The following TMEM140 variants were observed in gnomAD, a reference collection of about 807,000 sequenced individuals.
The protein encoded by TMEM140 is transmembrane protein 140.
For missense variants in TMEM140, 236 were observed against 228.5 expected (o/e 1.03, Z -0.21); for synonymous variants, 107 against 106.8 (o/e 1.00, Z -0.01).
intron 1 of TMEM140, among the ~76,000 whole-genome samples, chr7:135,162,502 C>A (rs1829968789): frequency 6.6e-6 from 1 of 152,222 alleles, no homozygotes; most frequent in African/African-American, 2.4e-5. Context: ...CATAGTTCCA[C>A]ATGGTTAGGG....
chr7:135,164,885 G>C lies in TMEM140; in HGVS notation c.444G>C (p.Gly148=). The C allele has an allele frequency of 6.2e-7, 1 of 1,614,242 alleles. No homozygotes were observed. Among genetic ancestry groups the C allele is most frequent in the South Asian group, 1.1e-5 (1 of 91,090 alleles). ...AGTGGGTCAGGCTCTCCCTCCCGGGGCCTGGGTTTCTAGCTCTGGGCAGCG... is the reference window on the plus strand; with the variant it reads ...AGTGGGTCAGGCTCTCCCTCCCGGGCCCTGGGTTTCTAGCTCTGGGCAGCG... ...VWKWVRLSLP[G]PGFLALGSAQ... Residue 148 remains glycine (G), a synonymous_variant, in exon 2 of 2, where the codon GGG becomes GGC. Transcript: ENST00000275767.
At chr7:135,154,802 G>A (rs1585347103) in intron 1 of TMEM140, among the ~76,000 whole-genome samples, 1 of 152,204 alleles carries the variant, frequency 6.6e-6, no homozygotes, top group Non-Finnish European at 1.5e-5. Context: ...TCCATGTGCT[G>A]ACAAAAATAA....
intron 1 of TMEM140, chr7:135,152,682 G>A (rs1460014306): frequency 6.6e-6 from 1 of 152,160 alleles, no homozygotes; most frequent in Non-Finnish European, 1.5e-5. Flanking sequence ...ACTGATCAAA[G>A]AGTCTCATCA....
At chr7:135,154,064 ATT>A (rs1829728049) in intron 1 of TMEM140, among the ~76,000 whole-genome samples, 1 of 151,530 alleles carries the variant, frequency 6.6e-6, no homozygotes, top group South Asian at 2.1e-4. Flanking sequence ...ATCTTGGGGG[ATT>A]TTGTGTTTCC....
At chr7:135,148,969 G>A (rs1190869665) in intron 1 of TMEM140, among the ~76,000 whole-genome samples, 2 of 152,016 alleles carry the variant, frequency 1.3e-5, no homozygotes, top group Non-Finnish European at 2.9e-5. Flanking sequence ...CTTTGAAAGA[G>A]GGAAAAGACA....
At chr7:135,156,691 T>A (rs1177657132) in intron 1 of TMEM140, among the ~76,000 whole-genome samples, 1 of 152,228 alleles carries the variant, frequency 6.6e-6, no homozygotes, top group Non-Finnish European at 1.5e-5. Context: ...ATATTTTGAA[T>A]TCTTTATCTA....
intron 1 of TMEM140, among the ~76,000 whole-genome samples, chr7:135,149,437 G>A (rs1217480402): frequency 6.6e-6 from 1 of 152,104 alleles, no homozygotes; most frequent in Non-Finnish European, 1.5e-5. Flanking sequence ...TTCTGATATT[G>A]GACTTTCAAG....
Position 135,148,214 on chromosome 7 carries a change from C to G in TMEM140, c.-81C>G. Reference sequence around the variant, plus strand: ...AGAAGGAAGATTCAAACAACCAACCCTGATTTCCTGCTTCTCCTTTTCATG... The same window carrying G: ...AGAAGGAAGATTCAAACAACCAACCGTGATTTCCTGCTTCTCCTTTTCATG... On this transcript the variant is annotated 5_prime_UTR_variant, in exon 1 of 2. Transcript: ENST00000275767. 2.4e-6 allele frequency: 1 copy of G among 420,046 alleles called. No homozygotes were observed. Among genetic ancestry groups the G allele is most frequent in the Non-Finnish European group, 4.7e-6 (1 of 212,870 alleles). 26.0% of individuals were successfully genotyped at this position (420,046 alleles called of 1,614,324 possible). A position where few individuals can be genotyped will look rare whatever the true frequency, so the allele number is the denominator to read the frequency against.
intron 1 of TMEM140, chr7:135,152,670 C>T (rs1035856941): frequency 6.6e-6 from 1 of 152,228 alleles, no homozygotes; most frequent in African/African-American, 2.4e-5. Flanking sequence ...CAGACACCTT[C>T]CACTGATCAA....
intron 1 of TMEM140, among the ~76,000 whole-genome samples, chr7:135,155,156 C>A (rs1244165428): frequency 6.6e-6 from 1 of 152,112 alleles, no homozygotes; most frequent in African/African-American, 2.4e-5. Flanking sequence ...TATAGCTATG[C>A]CTGCTTGCTT....
In TMEM140 at chr7:135,155,658, C is replaced by T. The variant is rs970095542; in HGVS notation, c.-25+7388C>T. Among the ~76,000 whole-genome samples, 11 of 152,156 alleles carry T rather than the reference C, an allele frequency of 7.2e-5. No individual in the cohort carries two copies. In the East Asian group the frequency reaches 9.7e-4, roughly 13 times the overall value. On this transcript the variant is annotated intron_variant, in intron 1 of 1. Transcript: ENST00000275767. Reference sequence around the variant, plus strand: ...TTGATGGAAGGTGGTCAAGACCAACCGGGGCAAAATAGCAAGATCTTGTCT... The same window carrying T: ...TTGATGGAAGGTGGTCAAGACCAACTGGGGCAAAATAGCAAGATCTTGTCT...
At position 135,164,998 on chromosome 7, in the gene TMEM140, A is replaced by G; in HGVS notation, c.557A>G (p.Ter186=). ...GCTGAGAGCAAGCTTGAGAGCTGCT[A>G]AAGGCTTACGTGATTGCAAGGGTTC... ...ERAESKLESC[*] The change falls in exon 2 of 2, where the codon TAA becomes TGA. Residue 186 remains the stop codon, a stop_retained_variant. Coordinates refer to ENST00000275767, the MANE Select transcript of TMEM140 (RefSeq NM_018295.5). The G allele has an allele frequency of 6.3e-7, 1 of 1,582,000 alleles. No homozygotes were observed. Among genetic ancestry groups the G allele is most frequent in the South Asian group, 1.1e-5 (1 of 87,194 alleles).
rs547183525 is a variant in TMEM140, at chr7:135,164,464, G to C, written c.23G>C (p.Trp8Ser). MAGPRPR[W>S]RDQLLFMSII... is the part of the protein sequence containing the mutation. ...GAGATGGCCGGCCCAAGGCCTCGGT[G>C]GCGCGACCAGCTGCTGTTCATGAGC... The change falls in exon 2 of 2, where the codon TGG becomes TCG. Residue 8 changes from tryptophan to serine, a missense_variant. By Grantham distance (177) the Trp-to-Ser change is radical (BLOSUM62 -3). Transcript: ENST00000275767. 3.8e-6 allele frequency: 6 copies of C among 1,599,284 alleles called. No individual in the cohort carries two copies. Among genetic ancestry groups the C allele is most frequent in the Non-Finnish European group, 5.1e-6 (6 of 1,167,312 alleles).
At chr7:135,160,404 T>C (rs185715413) in intron 1 of TMEM140, among the ~76,000 whole-genome samples, 118 of 152,278 alleles carry the variant, frequency 7.7e-4, no homozygotes, top group Admixed American at 1.8e-3. Flanking sequence ...ACCAGGATTG[T>C]TTAAGAAAAG....
At chr7:135,149,080 G>C (rs1264651462) in intron 1 of TMEM140, among the ~76,000 whole-genome samples, 2 of 152,108 alleles carry the variant, frequency 1.3e-5, no homozygotes, top group African/African-American at 4.8e-5. Flanking sequence ...CAGTCCATGA[G>C]ATATTTTTTC....
At chr7:135,157,184 T>C (rs2117446391) in intron 1 of TMEM140, among the ~76,000 whole-genome samples, 1 of 152,388 alleles carries the variant, frequency 6.6e-6, no homozygotes, top group South Asian at 2.1e-4. Context: ...TTTCTTTGCG[T>C]CTGGTGTAGC....
At chr7:135,160,648 A>C (rs1829907578) in intron 1 of TMEM140, among the ~76,000 whole-genome samples, 1 of 152,072 alleles carries the variant, frequency 6.6e-6, no homozygotes, top group African/African-American at 2.4e-5. Context: ...ACCCTCCCTC[A>C]GGCAGCTCTG....
chr7:135,156,526 T>A (rs1829798081), intron 1 of TMEM140, among the ~76,000 whole-genome samples: 1 of 152,056 alleles, frequency 6.6e-6, no homozygotes, highest in African/African-American at 2.4e-5. Flanking sequence ...TGTATTTCCT[T>A]CAATGAATTT....
intron 1 of TMEM140, among the ~76,000 whole-genome samples, chr7:135,160,083 A>G (rs1408720365): frequency 1.3e-5 from 2 of 152,272 alleles, no homozygotes; most frequent in Non-Finnish European, 2.9e-5. Context: ...TTCACATAGA[A>G]TGATGTTCAC....
Sources: gnomAD v4.1 joint callset for allele counts (sites outside exome capture counted in the v4.1 genomes callset) on GRCh38, gnomAD v4.1.1 for gene constraint, MANE v1.5 for transcripts, NCBI Gene and HGNC (gene_info 2026-07-23, HGNC 2026-07-21) for gene names.